Variants in UACA observed in about 807,000 individuals in gnomAD.
The protein encoded by UACA is uveal autoantigen with coiled-coil domains and ankyrin repeats.
In UACA, 112 loss-of-function variants were observed where a neutral mutation model predicts 160.5. That is an observed-to-expected ratio of 0.70 (90% confidence interval 0.60 to 0.82). The LOEUF is 0.82. Among genes scored for constraint, UACA ranks in the 40% least tolerant of loss-of-function variants. UACA has a pLI of 0.00. For missense variants in UACA, 1,574 were observed against 1,614.6 expected, an observed-to-expected ratio of 0.97 and a Z score of 0.43; for synonymous variants, 557 against 568.4, an observed-to-expected ratio of 0.98 and a Z score of 0.29.
At chr15:70,665,650 C>T (rs186675276) in intron 16 of UACA, among the ~76,000 whole-genome samples, 95 of 152,060 alleles carry the variant, frequency 6.2e-4, no homozygotes, top group South Asian at 1.9e-3. Flanking sequence ...TACATGCACC[C>T]GCTCAATAAA....
Position 70,659,225 on chromosome 15 carries a change from T to C in UACA, c.4179+926A>G, listed in dbSNP as rs1896591786. On this transcript the variant is annotated intron_variant, in intron 18 of 18. Transcript: ENST00000322954. Reference sequence around the variant, plus strand: ...GTTCTATCATATCATTCATTCTTTTTCATTAGTTTCCCCTCCATTTCCTAT... The same window carrying C: ...GTTCTATCATATCATTCATTCTTTTCCATTAGTTTCCCCTCCATTTCCTAT... Among the ~76,000 whole-genome samples the C allele has an allele frequency of 2.6e-5, 4 of 152,074 alleles. No homozygotes were observed. The South Asian group carries it at 8.3e-4, about 32-fold the overall frequency.
At chr15:70,671,463 C>A (rs1897138246) in intron 14 of UACA, 1 of 163,398 alleles carries the variant, frequency 6.1e-6, no homozygotes, top group East Asian at 1.7e-4. Context: ...ATAAATATTA[C>A]TGTTGTAGGA....
At chr15:70,666,418 TC>T (rs1178394748) in intron 16 of UACA, among the ~76,000 whole-genome samples, 2 of 152,192 alleles carry the variant, frequency 1.3e-5, no homozygotes, top group African/African-American at 4.8e-5. Flanking sequence ...ACCACCCTCT[TC>T]CCCATCTTTC....
chr15:70,713,451 A>C (rs1281720642), intron 1 of UACA, among the ~76,000 whole-genome samples: 1 of 152,160 alleles, frequency 6.6e-6, no homozygotes, highest in African/African-American at 2.4e-5. Context: ...AGTGACAAGG[A>C]ATTTACATCC....
chr15:70,704,502 A>T (rs192694392), intron 1 of UACA, among the ~76,000 whole-genome samples: 2 of 152,192 alleles, frequency 1.3e-5, no homozygotes, highest in African/African-American at 4.8e-5. Context: ...CTCAAAAAGC[A>T]CTTTAGTTAA....
At chr15:70,687,469 TG>T in intron 7 of UACA, 70 bp downstream of exon 7, 1 of 1,420,542 alleles carries the variant, frequency 7.0e-7, no homozygotes, top group Non-Finnish European at 9.9e-7. Context: ...AGAACAGAGC[TG>T]CTGCTTTGAC....
At chr15:70,753,528 C>T (rs544642368) in intron 1 of UACA, among the ~76,000 whole-genome samples, 2 of 152,292 alleles carry the variant, frequency 1.3e-5, no homozygotes, top group East Asian at 3.9e-4. Flanking sequence ...CAAAGCCAGG[C>T]TACCTAACTC....
intron 1 of UACA, chr15:70,701,908 T>C (rs758600414): frequency 6.2e-7 from 1 of 1,613,468 alleles, no homozygotes; most frequent in South Asian, 1.1e-5. Flanking sequence ...AAACCAACAG[T>C]TCATCATAGA....
At chr15:70,775,127 A>C in the UACA span, among the ~76,000 whole-genome samples, 1 of 152,194 alleles carries the variant, frequency 6.6e-6, no homozygotes, top group African/African-American at 2.4e-5. Flanking sequence ...GAAATTTGGG[A>C]AACCCTGTTG....
intron 1 of UACA, among the ~76,000 whole-genome samples, chr15:70,750,195 C>A (rs1176572820): frequency 6.6e-6 from 1 of 152,144 alleles, no homozygotes; most frequent in Non-Finnish European, 1.5e-5. Context: ...GCTTCATAAC[C>A]AATCCACCTG....
chr15:70,775,795 C>T, the UACA span, among the ~76,000 whole-genome samples: 1 of 152,206 alleles, frequency 6.6e-6, no homozygotes, highest in Non-Finnish European at 1.5e-5. Flanking sequence ...ACAGCTTCCC[C>T]ATGTGAGCGC....
At chr15:70,672,987 T>C (rs990088085) in intron 13 of UACA, among the ~76,000 whole-genome samples, 4 of 151,956 alleles carry the variant, frequency 2.6e-5, no homozygotes, top group Non-Finnish European at 2.9e-5. Flanking sequence ...TCCCAGCTAG[T>C]AGGGAGGCTG....
At chr15:70,659,395 G>GTTTTTTTTTTTTTTTTTTTGTT (rs1896608954) in intron 18 of UACA, among the ~76,000 whole-genome samples, 1 of 18,818 alleles carries the variant, frequency 5.3e-5, no homozygotes. Flanking sequence ...TTTTTTGTTT[G>GTTTTTTTTTTTTTTTTTTTGTT]TTTTTTTTTT....
At chr15:70,680,212 T>C (rs1046228288) in intron 9 of UACA, among the ~76,000 whole-genome samples, 1 of 152,200 alleles carries the variant, frequency 6.6e-6, no homozygotes, top group Non-Finnish European at 1.5e-5. Flanking sequence ...CTTGGTTGGG[T>C]GTATGTTCTG....
chr15:70,757,156 C>T (rs1369753318), intron 1 of UACA, among the ~76,000 whole-genome samples: 2 of 151,976 alleles, frequency 1.3e-5, no homozygotes, highest in East Asian at 1.9e-4. Flanking sequence ...TTTAAGAAAC[C>T]ATTTCATTTT....
intron 15 of UACA, among the ~76,000 whole-genome samples, chr15:70,670,116 G>A (rs1056773443): frequency 6.6e-6 from 1 of 152,140 alleles, no homozygotes. Flanking sequence ...AAAACACCTG[G>A]AGCTGGTGAC....
chr15:70,749,910 G>T (rs2029935508), intron 1 of UACA, among the ~76,000 whole-genome samples: 1 of 152,076 alleles, frequency 6.6e-6, no homozygotes, highest in Admixed American at 6.6e-5. Context: ...TAACATACAG[G>T]AAGATATGGA....
chr15:70,761,809 C>T (rs2030778321), intron 1 of UACA, among the ~76,000 whole-genome samples: 1 of 152,130 alleles, frequency 6.6e-6, no homozygotes. Flanking sequence ...AACTATCATG[C>T]TGATAATACC....
chr15:70,678,514 A>C (rs1048422428), intron 10 of UACA, among the ~76,000 whole-genome samples: 1 of 152,188 alleles, frequency 6.6e-6, no homozygotes, highest in African/African-American at 2.4e-5. Flanking sequence ...AGAATATGCC[A>C]TTTTAACTTT....
Sources: gnomAD v4.1 joint callset for allele counts (sites outside exome capture counted in the v4.1 genomes callset) on GRCh38, gnomAD v4.1.1 for gene constraint, MANE v1.5 for transcripts, NCBI Gene and HGNC (gene_info 2026-07-23, HGNC 2026-07-21) for gene names.